The following NDST3 variants were observed in gnomAD, a reference collection of about 807,000 sequenced individuals.
NDST3 encodes the protein bifunctional heparan sulfate N-deacetylase/N-sulfotransferase 3.
NDST3 carries 58 observed loss-of-function variants against 96.1 expected under a neutral mutation model. That is an observed-to-expected ratio of 0.60 (90% confidence interval 0.49 to 0.75). The LOEUF is 0.75. Ranked by LOEUF, NDST3 falls within the 30% of genes least tolerant of loss-of-function variation. The pLI is 0.00. For missense variants in NDST3, 788 were observed against 1,034.2 expected (o/e 0.76, Z 3.27); for synonymous variants, 333 against 359.7 (o/e 0.93, Z 0.84).
intron 4 of NDST3, among the ~76,000 whole-genome samples, chr4:118,118,890 C>T (rs868241385): frequency 2.0e-5 from 3 of 151,764 alleles, no homozygotes; most frequent in Admixed American, 6.6e-5. Flanking sequence ...CTATTTAAAC[C>T]TCAAAAAAGT....
chr4:118,091,631 A>C (rs1486327419), intron 2 of NDST3, among the ~76,000 whole-genome samples: 1 of 151,638 alleles, frequency 6.6e-6, no homozygotes, highest in Non-Finnish European at 1.5e-5. Context: ...TGGTGGCCAA[A>C]CCTCTCCTGC....
chr4:118,207,004 T>C (rs1329791702), intron 6 of NDST3, among the ~76,000 whole-genome samples: 1 of 143,560 alleles, frequency 7.0e-6, no homozygotes, highest in Non-Finnish European at 1.5e-5. Flanking sequence ...AGCATATATA[T>C]ATATAATAAG....
intron 4 of NDST3, 135 bp from the exon 5 acceptor site, chr4:118,137,919 C>T: frequency 1.4e-6 from 1 of 732,506 alleles, no homozygotes; most frequent in Non-Finnish European, 2.1e-6. Context: ...ATACTTATAT[C>T]ACTTTAATTT....
intron 6 of NDST3, among the ~76,000 whole-genome samples, chr4:118,182,009 G>A (rs952838990): frequency 6.6e-6 from 1 of 152,146 alleles, no homozygotes; most frequent in East Asian, 1.9e-4. Context: ...CAAAAATGCA[G>A]CCCTCTCAAG....
At chr4:118,069,251 G>C (rs1306512396) in intron 2 of NDST3, among the ~76,000 whole-genome samples, 2 of 152,068 alleles carry the variant, frequency 1.3e-5, no homozygotes, top group Admixed American at 6.6e-5. Flanking sequence ...CAGAGAGAGA[G>C]AGAGGTTAAT....
chr4:118,063,121 T>C (rs1578558186), intron 2 of NDST3, among the ~76,000 whole-genome samples: 1 of 131,498 alleles, frequency 7.6e-6, no homozygotes, highest in African/African-American at 2.9e-5. Context: ...ACCCGGGAGG[T>C]GGAGGTTGCA....
At chr4:118,251,522 A>G (rs967808852) in intron 12 of NDST3, among the ~76,000 whole-genome samples, 1 of 151,996 alleles carries the variant, frequency 6.6e-6, no homozygotes, top group Non-Finnish European at 1.5e-5. Flanking sequence ...TAGATATCCA[A>G]TTTTTCTTGT....
At chr4:118,140,150 AG>A (rs1244754506) in intron 5 of NDST3, among the ~76,000 whole-genome samples, 2 of 152,132 alleles carry the variant, frequency 1.3e-5, no homozygotes, top group Non-Finnish European at 2.9e-5. Flanking sequence ...ACCCCATAAT[AG>A]TATTGCTGTT....
At chr4:118,255,097 A>G (rs1351244706) in intron 13 of NDST3, among the ~76,000 whole-genome samples, 1 of 152,220 alleles carries the variant, frequency 6.6e-6, no homozygotes, top group Non-Finnish European at 1.5e-5. Context: ...TATTAAAGCT[A>G]AAATGTTTAA....
At chr4:118,183,632 T>G (rs1290441398) in intron 6 of NDST3, among the ~76,000 whole-genome samples, 1 of 152,160 alleles carries the variant, frequency 6.6e-6, no homozygotes, top group East Asian at 1.9e-4. Context: ...AATTCTCCAT[T>G]ACACAACAAT....
intron 3 of NDST3, among the ~76,000 whole-genome samples, chr4:118,113,848 A>G (rs1730838718): frequency 1.3e-5 from 2 of 152,218 alleles, no homozygotes; most frequent in South Asian, 4.1e-4. Flanking sequence ...CATAATTTTG[A>G]AATGACTAGT....
intron 9 of NDST3, among the ~76,000 whole-genome samples, chr4:118,234,123 C>A (rs951869205): frequency 5.9e-5 from 9 of 152,092 alleles, no homozygotes; most frequent in Non-Finnish European, 1.3e-4. Flanking sequence ...AAGAAACCAT[C>A]GACAGTGGCC....
chr4:118,142,513 G>A (rs1733644527), intron 5 of NDST3, among the ~76,000 whole-genome samples: 1 of 151,694 alleles, frequency 6.6e-6, no homozygotes, highest in Admixed American at 6.6e-5. Context: ...GCAAAACATG[G>A]GAAGTCCTGG....
intron 6 of NDST3, among the ~76,000 whole-genome samples, chr4:118,191,371 C>G (rs2125965456): frequency 6.6e-6 from 1 of 152,242 alleles, no homozygotes; most frequent in Admixed American, 6.5e-5. Flanking sequence ...ATTTCTTTTA[C>G]AAAAGGGTTT....
chr4:118,122,125 T>A (rs1016870593), intron 4 of NDST3, among the ~76,000 whole-genome samples: 1 of 152,210 alleles, frequency 6.6e-6, no homozygotes, highest in Non-Finnish European at 1.5e-5. Context: ...ATGTACTGCA[T>A]GAAAATAGTG....
At chr4:118,066,261 T>C (rs1260470729) in intron 2 of NDST3, among the ~76,000 whole-genome samples, 1 of 15,286 alleles carries the variant, frequency 6.5e-5, no homozygotes, top group African/African-American at 1.0e-4. Context: ...ATATATTATA[T>C]ATATTATATA....
At position 118,210,080 on chromosome 4, in the gene NDST3, A is replaced by T. The variant is rs191868075; in HGVS notation, c.1540-14411A>T. On this transcript the variant is annotated intron_variant, in intron 6 of 13. Transcript: ENST00000296499. ...CTAACACCTACCCACACCCAGAATA[A>T]AAATGTCAAGTTCCTGGAAATTAAG... is the stretch of plus-strand genomic sequence containing the variant. Among the ~76,000 whole-genome samples, 912 of 152,314 alleles carry T rather than the reference A, an allele frequency of 6.0e-3. 5 individuals are homozygous for T. The highest frequency in any genetic ancestry group is 0.011 in the Non-Finnish European group (718 of 68,030).
At chr4:118,247,206 T>TAAAAA (rs34436506) in intron 12 of NDST3, among the ~76,000 whole-genome samples, 1 of 142,800 alleles carries the variant, frequency 7.0e-6, no homozygotes, top group Non-Finnish European at 1.5e-5. Context: ...CAGGGGGGTT[T>TAAAAA]AAAAAAAAAA....
intron 2 of NDST3, among the ~76,000 whole-genome samples, chr4:118,057,087 GA>G (rs1725491582): frequency 6.6e-6 from 1 of 151,972 alleles, no homozygotes; most frequent in South Asian, 2.1e-4. Flanking sequence ...TAAGAATGGA[GA>G]AGGAAGGACC....
Sources: allele counts gnomAD v4.1 joint callset (sites outside exome capture counted in the v4.1 genomes callset), GRCh38; gene constraint gnomAD v4.1.1; transcripts MANE v1.5; gene names NCBI Gene and HGNC (gene_info 2026-07-23, HGNC 2026-07-21).